Variants in PLEKHA7 observed in about 807,000 individuals in gnomAD.
The protein encoded by PLEKHA7 is pleckstrin homology domain-containing family A member 7.
In PLEKHA7, 104 loss-of-function variants were observed where a neutral mutation model predicts 170.0. The ratio of observed to expected loss-of-function variants is 0.61; its 90% CI spans 0.52 to 0.72. PLEKHA7 has a LOEUF of 0.72. Ranked by LOEUF, PLEKHA7 falls within the 30% of genes least tolerant of loss-of-function variation. The pLI is 0.00. For synonymous variants in PLEKHA7, 648 were observed against 660.8 expected, an observed-to-expected ratio of 0.98 and a Z score of 0.30; for missense variants, 1,615 against 1,671.7, an observed-to-expected ratio of 0.97 and a Z score of 0.59.
At chr11:16,927,978 T>C (rs963935545) in intron 3 of PLEKHA7, among the ~76,000 whole-genome samples, 13 of 148,768 alleles carry the variant, frequency 8.7e-5, no homozygotes, top group African/African-American at 3.2e-4. Flanking sequence ...ATCCCAATTG[T>C]GTGTGGAGGG....
chr11:16,880,087 A>C (rs1855598141), intron 3 of PLEKHA7, among the ~76,000 whole-genome samples: 1 of 152,192 alleles, frequency 6.6e-6, no homozygotes, highest in Non-Finnish European at 1.5e-5. Context: ...TTTTTTAAGG[A>C]AGTTGGCAGA....
At chr11:16,907,153 AG>A (rs1857825144) in intron 3 of PLEKHA7, among the ~76,000 whole-genome samples, 3 of 89,152 alleles carry the variant, frequency 3.4e-5, no homozygotes, top group South Asian at 4.0e-4. Flanking sequence ...CCCGTCCGGA[AG>A]GGAGGTGGGG....
At chr11:17,003,992 G>C (rs966021171) in intron 3 of PLEKHA7, among the ~76,000 whole-genome samples, 1 of 152,202 alleles carries the variant, frequency 6.6e-6, no homozygotes, top group Non-Finnish European at 1.5e-5. Flanking sequence ...CCAACAAGGA[G>C]TCTCTCCGCA....
At chr11:16,818,108 G>T (rs534434124) in intron 10 of PLEKHA7, among the ~76,000 whole-genome samples, 11 of 151,962 alleles carry the variant, frequency 7.2e-5, no homozygotes, top group African/African-American at 2.7e-4. Flanking sequence ...CCCTAGTCCC[G>T]TCCCAGCCTC....
intron 3 of PLEKHA7, among the ~76,000 whole-genome samples, chr11:16,876,578 C>T (rs1855310389): frequency 6.6e-6 from 1 of 152,188 alleles, no homozygotes; most frequent in Non-Finnish European, 1.5e-5. Flanking sequence ...CATGTCTTCA[C>T]AAGCCCTGGG....
chr11:16,957,865 G>A (rs1025830228), intron 3 of PLEKHA7, among the ~76,000 whole-genome samples: 10 of 151,582 alleles, frequency 6.6e-5, no homozygotes, highest in African/African-American at 2.2e-4. Flanking sequence ...CACCACGCCC[G>A]GCTAATTTTT....
chr11:16,922,076 A>T (rs746457030), intron 3 of PLEKHA7, among the ~76,000 whole-genome samples: 7 of 152,206 alleles, frequency 4.6e-5, no homozygotes, highest in Non-Finnish European at 1.0e-4. Context: ...TGGAGGCTGG[A>T]AACAGGTTTG....
At chr11:16,809,161 C>T (rs968933212) in intron 13 of PLEKHA7, among the ~76,000 whole-genome samples, 2 of 152,184 alleles carry the variant, frequency 1.3e-5, no homozygotes, top group Admixed American at 1.3e-4. Flanking sequence ...AAAAAGCACA[C>T]TAATGTAAGT....
At chr11:17,008,075 G>A (rs1865119635) in intron 3 of PLEKHA7, among the ~76,000 whole-genome samples, 1 of 152,234 alleles carries the variant, frequency 6.6e-6, no homozygotes, top group Non-Finnish European at 1.5e-5. Flanking sequence ...CTAGGGGAGG[G>A]GAAAGTTAGC....
At chr11:16,892,641 T>TTTTTTTTTTTTTTTTTTTTTC (rs1554965016) in intron 3 of PLEKHA7, among the ~76,000 whole-genome samples, 1 of 141,162 alleles carries the variant, frequency 7.1e-6, no homozygotes, top group Non-Finnish European at 1.5e-5. Context: ...TTTTTTTTTT[T>TTTTTTTTTTTTTTTTTTTTTC]CGTATTTTTA....
At chr11:16,796,467 T>A (rs1327025559) in intron 17 of PLEKHA7, among the ~76,000 whole-genome samples, 3 of 151,980 alleles carry the variant, frequency 2.0e-5, no homozygotes, top group Admixed American at 2.0e-4. Context: ...GTCAAATCAG[T>A]AGAAACAGAA....
Position 16,790,997 on chromosome 11 carries a change from G to C in PLEKHA7, c.2934+14C>G. ...CCCACATGTAGAGTGGCAGCCCCAG[G>C]GTCCCCCGCTCACCCTGGAATCCCC... On this transcript the variant is annotated intron_variant, in intron 20 of 26. Coordinates refer to ENST00000531066, the MANE Select transcript of PLEKHA7 (RefSeq NM_001329630.2). 1.9e-6 allele frequency: 3 copies of C among 1,613,940 alleles called. No individual in the cohort carries two copies. The highest frequency in any genetic ancestry group is 1.1e-5 in the South Asian group (1 of 91,082).
At chr11:16,996,935 CA>C (rs112441884) in intron 3 of PLEKHA7, among the ~76,000 whole-genome samples, 153 of 139,334 alleles carry the variant, frequency 1.1e-3, no homozygotes, top group Middle Eastern at 3.6e-3. Context: ...GACTCCGTCT[CA>C]AAAAAAAAAA....
At chr11:16,779,455 A>C (rs1848859559) in intron 26 of PLEKHA7, among the ~76,000 whole-genome samples, 4 of 152,330 alleles carry the variant, frequency 2.6e-5, no homozygotes, top group Admixed American at 6.5e-5. Context: ...CCAATCTTAC[A>C]GCCATGGGGG....
In PLEKHA7 at chr11:16,975,074, T is replaced by C. The variant is rs1303882411; in HGVS notation, c.221+38915A>G. On this transcript the variant is annotated intron_variant, in intron 3 of 26. Coordinates refer to ENST00000531066, the MANE Select transcript of PLEKHA7 (RefSeq NM_001329630.2). ...GGTTTTTATATATACTATGTATATA[T>C]GTACAGTTCTATGAGATTTCATCAC... is the stretch of plus-strand genomic sequence containing the variant. 2.9e-6 allele frequency: 2 copies of C among 690,730 alleles called. 1 individual carries two copies. The allele number at this position is 690,730 out of a possible 1,614,324, so 42.8% of individuals were successfully genotyped here. A position where few individuals can be genotyped will look rare whatever the true frequency, so the allele number is the denominator to read the frequency against.
rs1464281029 is a variant in PLEKHA7, at chr11:16,957,689, ATTTTTTTCTTTTT to A, written c.221+56287_221+56299del. Among the ~76,000 whole-genome samples, 29 of 118,298 alleles carry A rather than the reference ATTTTTTTCTTTTT, an allele frequency of 2.5e-4. 1 individual carries two copies. Among genetic ancestry groups the A allele is most frequent in the African/African-American group, 7.6e-4 (23 of 30,406 alleles). The allele number at this position is 118,298 out of a possible 152,430, so 77.6% of individuals were successfully genotyped here. ...ATATTACATGAATTTTACCTCAATA[ATTTTTTTCTTTTT>A]TTTTTTTTTTTTTTTTTTTGAGACA... On this transcript the variant is annotated intron_variant, in intron 3 of 26. Transcript: ENST00000531066.
intron 3 of PLEKHA7, among the ~76,000 whole-genome samples, chr11:16,953,373 T>G (rs1304272395): frequency 6.6e-6 from 1 of 152,238 alleles, no homozygotes; most frequent in Admixed American, 6.5e-5. Flanking sequence ...AAAGTTCTTT[T>G]GTGAATCCTA....
intron 7 of PLEKHA7, 82 bp downstream of exon 7, chr11:16,852,201 A>C: frequency 1.6e-6 from 2 of 1,215,644 alleles, no homozygotes; most frequent in South Asian, 2.6e-5. Context: ...CTGTGTTAGG[A>C]CTGGTAAACC....
At chr11:16,826,727 C>A in intron 9 of PLEKHA7, 137 bp from the exon 10 acceptor site, 2 of 772,090 alleles carry the variant, frequency 2.6e-6, no homozygotes, top group Non-Finnish European at 2.0e-6. Context: ...CATGTCCTCA[C>A]TCTGCCTGCC....
Sources: gnomAD v4.1 joint callset for allele counts (sites outside exome capture counted in the v4.1 genomes callset) on GRCh38, gnomAD v4.1.1 for gene constraint, MANE v1.5 for transcripts, NCBI Gene and HGNC (gene_info 2026-07-23, HGNC 2026-07-21) for gene names.